The following FRMD5 variants were observed in gnomAD, a reference collection of about 807,000 sequenced individuals.
The protein encoded by FRMD5 is FERM domain-containing protein 5.
A neutral mutation model predicts 69.0 loss-of-function variants in FRMD5; 20 were observed. The observed-to-expected ratio is 0.29, with a 90% CI of 0.20 to 0.42. The LOEUF is 0.42. Ranked by LOEUF, FRMD5 falls within the 10% of genes least tolerant of loss-of-function variation. The probability of loss-of-function intolerance (pLI) is 1.00; values close to 1 mark genes in which losing one functional copy is unlikely to be tolerated. For synonymous variants in FRMD5, 271 were observed against 260.1 expected (o/e 1.04, Z -0.40); for missense variants, 595 against 708.6 (o/e 0.84, Z 1.82).
At chr15:43,978,010 T>C (rs544567116) in intron 1 of FRMD5, among the ~76,000 whole-genome samples, 13 of 152,010 alleles carry the variant, frequency 8.6e-5, no homozygotes, top group Non-Finnish European at 1.6e-4. Flanking sequence ...CATAGAAACT[T>C]TATTATAAAA....
chr15:44,010,010 C>T (rs931871469), intron 1 of FRMD5, among the ~76,000 whole-genome samples: 9 of 152,132 alleles, frequency 5.9e-5, no homozygotes, highest in Admixed American at 1.3e-4. Context: ...TAACATCATA[C>T]CCTGACCTTC....
At chr15:43,891,844 G>A (rs2088799641) in intron 8 of FRMD5, 137 bp downstream of exon 8, 3 of 691,348 alleles carry the variant, frequency 4.3e-6, no homozygotes, top group Admixed American at 2.3e-5. Flanking sequence ...CCCTTCGTCA[G>A]TTACCACCAT....
rs972603947 is a variant in FRMD5 at position 43,879,742 on chromosome 15, G to T, written c.1135+3961C>A. 2.5e-5 allele frequency: 10 copies of T among 398,512 alleles called. No individual in the cohort carries two copies. The East Asian group carries it at 3.6e-4, about 14-fold the overall frequency. The allele number at this position is 398,512 out of a possible 1,614,324, so 24.7% of individuals were successfully genotyped here. A position where few individuals can be genotyped will look rare whatever the true frequency, so the allele number is the denominator to read the frequency against. ...TCTTCAGAGAAACCAGCCAGGCAGG[G>T]AGAGATACAGAGAGGCAAAGATGGA... On this transcript the variant is annotated intron_variant, in intron 13 of 13. Coordinates refer to ENST00000417257, the MANE Select transcript of FRMD5 (RefSeq NM_032892.5).
chr15:44,035,039 G>A (rs893737361), intron 1 of FRMD5, among the ~76,000 whole-genome samples: 11 of 152,068 alleles, frequency 7.2e-5, no homozygotes, highest in Non-Finnish European at 1.3e-4. Flanking sequence ...GAATTCTGCT[G>A]TTTTCACTTT....
intron 1 of FRMD5, among the ~76,000 whole-genome samples, chr15:44,065,057 C>G (rs1893251928): frequency 1.3e-5 from 2 of 152,186 alleles, no homozygotes; most frequent in African/African-American, 4.8e-5. Flanking sequence ...AGTCAGACCA[C>G]CTGGGTTCCA....
intron 1 of FRMD5, among the ~76,000 whole-genome samples, chr15:44,094,725 C>G (rs1442342840): frequency 6.6e-6 from 1 of 152,104 alleles, no homozygotes; most frequent in African/African-American, 2.4e-5. Context: ...AGCTAATATT[C>G]ACTCTGAGCT....
At chr15:44,166,289 T>A (rs2077707437) in intron 1 of FRMD5, among the ~76,000 whole-genome samples, 2 of 152,128 alleles carry the variant, frequency 1.3e-5, no homozygotes, top group Admixed American at 6.5e-5. Context: ...GTTTATATAA[T>A]GGATGATGAT....
intron 4 of FRMD5, among the ~76,000 whole-genome samples, chr15:43,915,407 A>C (rs1418157985): frequency 6.6e-6 from 1 of 152,202 alleles, no homozygotes; most frequent in Non-Finnish European, 1.5e-5. Context: ...CTGAAGGCAC[A>C]GTGGCCTGGT....
At chr15:44,084,657 T>A (rs1894123058) in intron 1 of FRMD5, among the ~76,000 whole-genome samples, 1 of 152,094 alleles carries the variant, frequency 6.6e-6, no homozygotes. Context: ...TTCTTATAAG[T>A]TTTCTCTCTT....
chr15:44,116,062 C>CA, intron 1 of FRMD5, among the ~76,000 whole-genome samples: 1 of 151,978 alleles, frequency 6.6e-6, no homozygotes, highest in Non-Finnish European at 1.5e-5. Context: ...CAGCCTTCCT[C>CA]AAAATGACAG....
At chr15:43,911,184 T>C (rs2089281563) in intron 4 of FRMD5, among the ~76,000 whole-genome samples, 1 of 152,222 alleles carries the variant, frequency 6.6e-6, no homozygotes. Flanking sequence ...TCTCTGGTGA[T>C]TTAAAAATAT....
At chr15:43,951,986 GTGTGTGTGTGTGTC>G (rs1458533764) in intron 1 of FRMD5, among the ~76,000 whole-genome samples, 1,544 of 114,424 alleles carry the variant, frequency 0.013, 26 homozygotes, top group African/African-American at 0.06. Flanking sequence ...TGTGTTGTGT[GTGTGTGTGTGTGTC>G]TGTGTGTGTG....
chr15:44,017,691 C>T (rs551353190), intron 1 of FRMD5, among the ~76,000 whole-genome samples: 46 of 151,188 alleles, frequency 3.0e-4, no homozygotes, highest in African/African-American at 9.7e-4. Context: ...CTGCAAGCTC[C>T]GTCTCCCGGG....
chr15:44,001,024 G>C (rs1386738457), intron 1 of FRMD5, among the ~76,000 whole-genome samples: 1 of 151,946 alleles, frequency 6.6e-6, no homozygotes, highest in Non-Finnish European at 1.5e-5. Context: ...AGTGTACAAG[G>C]GTTCCCTTTT....
intron 5 of FRMD5, among the ~76,000 whole-genome samples, chr15:43,906,799 C>G (rs549989546): frequency 7.1e-6 from 1 of 141,758 alleles, no homozygotes; most frequent in Non-Finnish European, 1.5e-5. Context: ...GACGGGGTTT[C>G]ACCGTGTTAG....
intron 1 of FRMD5, among the ~76,000 whole-genome samples, chr15:44,046,618 T>G (rs1414404153): frequency 6.6e-6 from 1 of 152,248 alleles, no homozygotes; most frequent in East Asian, 1.9e-4. Context: ...GCTAGCTGAC[T>G]CTGACACACA....
At chr15:43,944,988 C>T (rs1028055428) in intron 1 of FRMD5, among the ~76,000 whole-genome samples, 1 of 148,400 alleles carries the variant, frequency 6.7e-6, no homozygotes, top group Admixed American at 6.7e-5. Flanking sequence ...GGGGGTTTCA[C>T]CATGCTGCCC....
At chr15:44,087,982 G>C (rs1457344791) in intron 1 of FRMD5, among the ~76,000 whole-genome samples, 1 of 152,026 alleles carries the variant, frequency 6.6e-6, no homozygotes, top group East Asian at 1.9e-4. Flanking sequence ...ATTCTGTCCT[G>C]GACTTACTCA....
intron 1 of FRMD5, among the ~76,000 whole-genome samples, chr15:44,179,403 T>C (rs551372258): frequency 1.3e-5 from 2 of 152,336 alleles, no homozygotes; most frequent in African/African-American, 4.8e-5. Context: ...ACTATTCCAT[T>C]ATAATTGACA....
Sources: allele counts gnomAD v4.1 joint callset (sites outside exome capture counted in the v4.1 genomes callset), GRCh38; gene constraint gnomAD v4.1.1; transcripts MANE v1.5; gene names NCBI Gene and HGNC (gene_info 2026-07-23, HGNC 2026-07-21).